OPCML: variants seen among roughly 807,000 people sequenced by gnomAD.
OPCML encodes opioid-binding protein/cell adhesion molecule.
A neutral mutation model predicts 37.8 loss-of-function variants in OPCML; 13 were observed. That is an observed-to-expected ratio of 0.34 (90% CI 0.22 to 0.55). The LOEUF is 0.55. Ranked by LOEUF, OPCML falls within the 20% of genes least tolerant of loss-of-function variation. The pLI, the probability that OPCML is intolerant of heterozygous loss-of-function variation, is 0.91. For synonymous variants in OPCML, 176 were observed against 168.8 expected (o/e 1.04, Z -0.33); for missense variants, 341 against 435.6 (o/e 0.78, Z 1.93).
chr11:133,000,893 T>C (rs1038001244), intron 1 of OPCML, among the ~76,000 whole-genome samples: 2 of 152,126 alleles, frequency 1.3e-5, no homozygotes, highest in Admixed American at 1.3e-4. Flanking sequence ...AGTGAGTCCT[T>C]CTCGTATGGT....
At chr11:133,448,417 G>A (rs145587454) in intron 1 of OPCML, among the ~76,000 whole-genome samples, 4 of 151,934 alleles carry the variant, frequency 2.6e-5, no homozygotes, top group African/African-American at 4.8e-5. Flanking sequence ...ACCTTGTCCC[G>A]GTACCACCCT....
At chr11:132,620,626 G>C (rs535970467) in intron 3 of OPCML, among the ~76,000 whole-genome samples, 10 of 152,326 alleles carry the variant, frequency 6.6e-5, no homozygotes, top group African/African-American at 1.9e-4. Context: ...GACTTGGCAG[G>C]TGTTTCTGCT....
At chr11:133,348,231 A>G (rs571928520) in intron 1 of OPCML, among the ~76,000 whole-genome samples, 24 of 152,320 alleles carry the variant, frequency 1.6e-4, no homozygotes, top group Non-Finnish European at 3.5e-4. Flanking sequence ...ATCCACTGCA[A>G]ACGAGAGCCA....
intron 1 of OPCML, among the ~76,000 whole-genome samples, chr11:133,327,579 T>C (rs1443836042): frequency 3.3e-5 from 5 of 152,122 alleles, no homozygotes; most frequent in Non-Finnish European, 5.9e-5. Flanking sequence ...CCCATCTCTT[T>C]AGTTTATGCT....
At chr11:132,702,864 CA>C (rs2135927629) in intron 2 of OPCML, among the ~76,000 whole-genome samples, 1 of 152,012 alleles carries the variant, frequency 6.6e-6, no homozygotes, top group South Asian at 2.1e-4. Flanking sequence ...TCATTTCAGT[CA>C]TTGTCTTCCA....
intron 2 of OPCML, among the ~76,000 whole-genome samples, chr11:132,791,500 G>A (rs1937903446): frequency 6.6e-6 from 1 of 152,072 alleles, no homozygotes; most frequent in East Asian, 1.9e-4. Context: ...ACTGGATAGG[G>A]GACTGGCCTT....
chr11:132,547,301 C>T (rs1174494731), intron 3 of OPCML, among the ~76,000 whole-genome samples: 3 of 152,152 alleles, frequency 2.0e-5, no homozygotes, highest in Non-Finnish European at 2.9e-5. Context: ...GAGGCATAGG[C>T]ATTCATTGTT....
At chr11:132,885,769 G>A (rs888015671) in intron 2 of OPCML, among the ~76,000 whole-genome samples, 1 of 152,028 alleles carries the variant, frequency 6.6e-6, no homozygotes, top group Non-Finnish European at 1.5e-5. Context: ...GAGCAAACTC[G>A]TGGTAGAAAA....
chr11:132,983,517 G>A (rs775314277), intron 1 of OPCML, among the ~76,000 whole-genome samples: 18 of 152,066 alleles, frequency 1.2e-4, no homozygotes, highest in African/African-American at 2.7e-4. Context: ...TGTTGTTCTC[G>A]CTGCTCATGC....
intron 3 of OPCML, among the ~76,000 whole-genome samples, chr11:132,592,340 T>C (rs2096485802): frequency 6.6e-6 from 1 of 152,012 alleles, no homozygotes; most frequent in Admixed American, 6.5e-5. Flanking sequence ...GAGGGAGAGA[T>C]CTGTGGGGAA....
chr11:133,172,882 A>G (rs1431776), intron 1 of OPCML, among the ~76,000 whole-genome samples: 67,859 of 152,044 alleles, frequency 0.45, 15,612 homozygotes, highest in South Asian at 0.55. Flanking sequence ...ACGTTATCTC[A>G]TTTAATTTTA....
intron 2 of OPCML, among the ~76,000 whole-genome samples, chr11:132,705,641 C>T (rs1332144263): frequency 2.0e-5 from 3 of 152,080 alleles, no homozygotes; most frequent in Non-Finnish European, 2.9e-5. Flanking sequence ...TCCCCCCGCC[C>T]TTGCTCCTGC....
chr11:133,105,498 G>A (rs116747418), intron 1 of OPCML, among the ~76,000 whole-genome samples: 1 of 152,204 alleles, frequency 6.6e-6, no homozygotes, highest in African/African-American at 2.4e-5. Flanking sequence ...GAAATCAAAG[G>A]TAAGGGAATT....
intron 4 of OPCML, among the ~76,000 whole-genome samples, chr11:132,443,618 A>G (rs2096044104): frequency 6.6e-6 from 1 of 152,246 alleles, no homozygotes. Context: ...CTAGGTCACA[A>G]TTCAAGCTGT....
chr11:133,127,802 G>A (rs1313992769), intron 1 of OPCML, among the ~76,000 whole-genome samples: 1 of 151,994 alleles, frequency 6.6e-6, no homozygotes, highest in African/African-American at 2.4e-5. Flanking sequence ...TTTTCTAAAA[G>A]GGGAATATAA....
At chr11:133,266,071 A>C (rs1421115680) in intron 1 of OPCML, among the ~76,000 whole-genome samples, 1 of 152,228 alleles carries the variant, frequency 6.6e-6, no homozygotes, top group Non-Finnish European at 1.5e-5. Context: ...AAAAGTCAAG[A>C]AAATAGACAT....
At chr11:132,916,631 C>T (rs1944615309) in intron 2 of OPCML, among the ~76,000 whole-genome samples, 1 of 152,088 alleles carries the variant, frequency 6.6e-6, no homozygotes. Context: ...GCTTTGGCGG[C>T]TGAAGGAAGG....
At chr11:133,125,697 TATATATATA>T (rs1949493905) in intron 1 of OPCML, among the ~76,000 whole-genome samples, 2 of 27,308 alleles carry the variant, frequency 7.3e-5, no homozygotes, top group Non-Finnish European at 1.7e-4. Context: ...GTATATATAG[TATATATATA>T]GTGTATATAT....
At chr11:132,907,487 T>C (rs1442370634) in intron 2 of OPCML, among the ~76,000 whole-genome samples, 1 of 151,958 alleles carries the variant, frequency 6.6e-6, no homozygotes, top group Non-Finnish European at 1.5e-5. Flanking sequence ...AAAAATTAGC[T>C]GGGCATGGTG....
Sources: gnomAD v4.1 joint callset for allele counts (sites outside exome capture counted in the v4.1 genomes callset) on GRCh38, gnomAD v4.1.1 for gene constraint, MANE v1.5 for transcripts, NCBI Gene and HGNC (gene_info 2026-07-23, HGNC 2026-07-21) for gene names.